Variants in ARHGAP42 observed in about 807,000 individuals in gnomAD.
ARHGAP42 encodes the protein rho GTPase-activating protein 42.
In ARHGAP42, 63 loss-of-function variants were observed where a neutral mutation model predicts 125.0. The observed-to-expected ratio is 0.50, with a 90% confidence interval of 0.41 to 0.62. The LOEUF (loss-of-function observed/expected upper bound fraction) is 0.62. ARHGAP42 is among the 20% of genes least tolerant of loss of function. ARHGAP42 has a pLI of 0.00. For missense variants in ARHGAP42, 766 were observed against 1,024.2 expected (o/e 0.75, Z 3.44); for synonymous variants, 339 against 351.0 (o/e 0.97, Z 0.38).
chr11:100,915,642 ATG>A (rs2135235012), intron 5 of ARHGAP42, among the ~76,000 whole-genome samples: 1 of 152,296 alleles, frequency 6.6e-6, no homozygotes, highest in East Asian at 1.9e-4. Context: ...AGCTTAGGCT[ATG>A]GTATAATAGA....
chr11:100,799,021 A>G (rs963748227), intron 3 of ARHGAP42, among the ~76,000 whole-genome samples: 1 of 152,236 alleles, frequency 6.6e-6, no homozygotes, highest in Admixed American at 6.5e-5. Flanking sequence ...AATAAGGCAG[A>G]TAGTTCTTAG....
Position 100,874,747 on chromosome 11 carries a change from C to T in ARHGAP42, c.384+15122C>T, listed in dbSNP as rs909164002. 1.2e-4 allele frequency among the ~76,000 whole-genome samples: 18 copies of T among 152,224 alleles called. No individual in the cohort carries two copies. In the East Asian group the frequency reaches 1.7e-3, roughly 15 times the overall value. On this transcript the variant is annotated intron_variant, in intron 4 of 23. Transcript: ENST00000298815. ...AGTTCTCCAGTCTACCGTATCTTTC[C>T]TTTTTAAAATGTATTCCTTTCCTTC... is the stretch of plus-strand genomic sequence containing the variant.
chr11:100,985,914 C>T (rs974844339), intron 22 of ARHGAP42, among the ~76,000 whole-genome samples: 1 of 152,196 alleles, frequency 6.6e-6, no homozygotes, highest in Non-Finnish European at 1.5e-5. Flanking sequence ...AATGCTGCTG[C>T]TTTGGGAGAG....
At chr11:100,944,329 CG>C (rs1565287998) in intron 10 of ARHGAP42, among the ~76,000 whole-genome samples, 1 of 151,990 alleles carries the variant, frequency 6.6e-6, no homozygotes, top group African/African-American at 2.4e-5. Flanking sequence ...AGCACTGTTC[CG>C]GGTATTCTTA....
At chr11:100,874,065 G>T (rs1865756797) in intron 4 of ARHGAP42, among the ~76,000 whole-genome samples, 2 of 152,200 alleles carry the variant, frequency 1.3e-5, no homozygotes, top group Non-Finnish European at 2.9e-5. Context: ...AAGAAAAGAG[G>T]TTCATGGTCC....
chr11:100,911,527 G>T (rs534016071), intron 4 of ARHGAP42, among the ~76,000 whole-genome samples: 2 of 152,060 alleles, frequency 1.3e-5, no homozygotes, highest in Non-Finnish European at 2.9e-5. Context: ...ATGTCAGAGG[G>T]AATGACCTAG....
chr11:100,829,662 A>C (rs1864619553), intron 3 of ARHGAP42, among the ~76,000 whole-genome samples: 1 of 152,210 alleles, frequency 6.6e-6, no homozygotes, highest in African/African-American at 2.4e-5. Flanking sequence ...TGCATATAAT[A>C]AACTTCAATT....
chr11:100,830,517 G>C (rs968499316), intron 3 of ARHGAP42, among the ~76,000 whole-genome samples: 3 of 152,132 alleles, frequency 2.0e-5, no homozygotes, highest in African/African-American at 7.2e-5. Context: ...AGATATGCAT[G>C]ATGTCAGGCT....
chr11:100,897,873 C>G (rs1385274302), intron 4 of ARHGAP42, among the ~76,000 whole-genome samples: 1 of 152,088 alleles, frequency 6.6e-6, no homozygotes, highest in East Asian at 1.9e-4. Flanking sequence ...ACTTCCAACA[C>G]TATGTTGAAT....
intron 3 of ARHGAP42, among the ~76,000 whole-genome samples, chr11:100,829,045 C>T (rs1228938560): frequency 6.6e-6 from 1 of 152,156 alleles, no homozygotes; most frequent in African/African-American, 2.4e-5. Context: ...AAATAGGCAG[C>T]CAAGGTGATG....
chr11:100,762,905 A>G (rs774087637), intron 1 of ARHGAP42, among the ~76,000 whole-genome samples: 4 of 148,412 alleles, frequency 2.7e-5, no homozygotes, highest in Non-Finnish European at 4.5e-5. Flanking sequence ...TGTGTTTTTT[A>G]TTAAGGCTTT....
Position 100,795,092 on chromosome 11 carries a change from T to C in ARHGAP42, c.251-13T>C. 1 of 1,530,348 alleles carries C rather than the reference T, an allele frequency of 6.5e-7. No homozygotes were observed. Among genetic ancestry groups the C allele is most frequent in the Non-Finnish European group, 8.8e-7 (1 of 1,138,738 alleles). The allele number at this position is 1,530,348 out of a possible 1,614,324, so 94.8% of individuals were successfully genotyped here. A position where few individuals can be genotyped will look rare whatever the true frequency, so the allele number is the denominator to read the frequency against. On this transcript the variant is annotated splice_polypyrimidine_tract_variant and intron_variant, in intron 2 of 23. Transcript: ENST00000298815. ...AATATTAATTCTTTGCATTTTTTTATCTTTCCAAACAGCTCAGTCACTAAA... is the reference window on the plus strand; with the variant it reads ...AATATTAATTCTTTGCATTTTTTTACCTTTCCAAACAGCTCAGTCACTAAA...
intron 4 of ARHGAP42, among the ~76,000 whole-genome samples, chr11:100,893,757 G>A (rs1046122754): frequency 1.3e-5 from 2 of 151,946 alleles, no homozygotes; most frequent in African/African-American, 4.8e-5. Flanking sequence ...TAAGCTTTTA[G>A]GAATTTTCCT....
intron 6 of ARHGAP42, among the ~76,000 whole-genome samples, chr11:100,923,700 A>T (rs1296172933): frequency 6.6e-6 from 1 of 152,100 alleles, no homozygotes; most frequent in Admixed American, 6.5e-5. Flanking sequence ...TGTCCTGTTA[A>T]GTCTTCTGTC....
intron 2 of ARHGAP42, among the ~76,000 whole-genome samples, chr11:100,790,341 A>G (rs1863535864): frequency 9.7e-6 from 1 of 102,774 alleles, no homozygotes; most frequent in Non-Finnish European, 2.0e-5. Context: ...CTTCAGTAAT[A>G]GTTTTTTTTT....
At chr11:100,917,245 T>C (rs1328958911) in intron 5 of ARHGAP42, among the ~76,000 whole-genome samples, 1 of 152,200 alleles carries the variant, frequency 6.6e-6, no homozygotes, top group Non-Finnish European at 1.5e-5. Context: ...AACTATTCTT[T>C]CAGTAGGTTC....
At chr11:100,964,730 G>A (rs1046828684) in intron 16 of ARHGAP42, among the ~76,000 whole-genome samples, 1 of 152,148 alleles carries the variant, frequency 6.6e-6, no homozygotes, top group East Asian at 1.9e-4. Flanking sequence ...TGCCATAAAT[G>A]AGTTCTTACA....
At chr11:100,723,157 A>G (rs1861795695) in intron 1 of ARHGAP42, among the ~76,000 whole-genome samples, 1 of 152,108 alleles carries the variant, frequency 6.6e-6, no homozygotes, top group African/African-American at 2.4e-5. Flanking sequence ...CTATTCTTTT[A>G]CCAATATCAC....
chr11:100,856,184 G>A (rs779553937), intron 3 of ARHGAP42, among the ~76,000 whole-genome samples: 7 of 151,966 alleles, frequency 4.6e-5, no homozygotes, highest in Non-Finnish European at 8.8e-5. Context: ...AGCAAAAATT[G>A]CATTTCTCTA....
Sources: allele counts gnomAD v4.1 joint callset (sites outside exome capture counted in the v4.1 genomes callset), GRCh38; gene constraint gnomAD v4.1.1; transcripts MANE v1.5; gene names NCBI Gene and HGNC (gene_info 2026-07-23, HGNC 2026-07-21).